The following TNFSF4 variants were observed in gnomAD, a reference collection of about 807,000 sequenced individuals.
The protein encoded by TNFSF4 is tumor necrosis factor ligand superfamily member 4.
A neutral mutation model predicts 7.3 loss-of-function variants in TNFSF4; 4 were observed. That is an observed-to-expected ratio of 0.55 (90% CI 0.27 to 1.25). The LOEUF (loss-of-function observed/expected upper bound fraction) is 1.25, where lower values mean the gene tolerates loss of function less well. Among genes scored for constraint, TNFSF4 ranks in the 50% most tolerant of loss-of-function variants. The pLI is 0.12. For missense variants in TNFSF4, 181 were observed against 208.8 expected (o/e 0.87, Z 0.82); for synonymous variants, 76 against 83.7 (o/e 0.91, Z 0.50).
At chr1:173,364,448 T>C in the TNFSF4 span, among the ~76,000 whole-genome samples, 3 of 150,750 alleles carry the variant, frequency 2.0e-5, no homozygotes, top group Admixed American at 2.0e-4. Flanking sequence ...AATTTGTATA[T>C]GCATAGAAAA....
chr1:173,312,944 C>T, the TNFSF4 span, among the ~76,000 whole-genome samples: 1 of 152,060 alleles, frequency 6.6e-6, no homozygotes, highest in Non-Finnish European at 1.5e-5. Flanking sequence ...TTTTCCAGGA[C>T]ACAAGGCCTG....
chr1:173,205,325 T>C, intron 1 of TNFSF4: 1 of 1,612,176 alleles, frequency 6.2e-7, no homozygotes, highest in Non-Finnish European at 8.5e-7. Flanking sequence ...AGGTTTAGTG[T>C]CCTAGAAACC....
chr1:173,352,812 G>A, the TNFSF4 span, among the ~76,000 whole-genome samples: 14 of 152,230 alleles, frequency 9.2e-5, no homozygotes, highest in South Asian at 2.1e-4. Flanking sequence ...AGGCCAGGGC[G>A]TATTTCATCC....
chr1:173,366,756 C>T, the TNFSF4 span, among the ~76,000 whole-genome samples: 1 of 151,380 alleles, frequency 6.6e-6, no homozygotes, highest in Non-Finnish European at 1.5e-5. Flanking sequence ...AACATATGCA[C>T]TGAATATGTA....
the TNFSF4 span, chr1:173,362,695 G>T: frequency 2.4e-6 from 1 of 411,012 alleles, no homozygotes; most frequent in Non-Finnish European, 4.8e-6. Flanking sequence ...CATTAATGCT[G>T]TCAGAGGAGG....
At chr1:173,274,281 G>C in the TNFSF4 span, among the ~76,000 whole-genome samples, 1 of 152,064 alleles carries the variant, frequency 6.6e-6, no homozygotes, top group Non-Finnish European at 1.5e-5. Context: ...TTTACAATAA[G>C]AATGCCCTTG....
At chr1:173,348,994 C>T in the TNFSF4 span, among the ~76,000 whole-genome samples, 7 of 152,244 alleles carry the variant, frequency 4.6e-5, no homozygotes, top group African/African-American at 1.7e-4. Context: ...CACATCTTCA[C>T]TTTAAGTTTC....
At chr1:173,234,086 C>T in the TNFSF4 span, among the ~76,000 whole-genome samples, 2 of 152,130 alleles carry the variant, frequency 1.3e-5, no homozygotes, top group African/African-American at 4.8e-5. Flanking sequence ...ACAAAGAACT[C>T]AAACAAATTT....
At chr1:173,207,412 A>C, upstream of TNFSF4, 1 of 389,808 alleles carries the variant, frequency 2.6e-6, no homozygotes, top group Non-Finnish European at 4.6e-6. Flanking sequence ...ACTAATCTGA[A>C]TTTCCCCTTT....
intron 2 of TNFSF4, among the ~76,000 whole-genome samples, chr1:173,188,168 C>G (rs1484641498): frequency 2.0e-5 from 3 of 152,110 alleles, no homozygotes; most frequent in Non-Finnish European, 4.4e-5. Context: ...AATTAGCAGG[C>G]AATAATGTGT....
At chr1:173,316,361 G>A in the TNFSF4 span, among the ~76,000 whole-genome samples, 2 of 151,990 alleles carry the variant, frequency 1.3e-5, no homozygotes, top group African/African-American at 4.8e-5. Flanking sequence ...GAATAAACTT[G>A]GTTAGATGGG....
At chr1:173,443,623 C>G in the TNFSF4 span, among the ~76,000 whole-genome samples, 1 of 152,172 alleles carries the variant, frequency 6.6e-6, no homozygotes, top group Non-Finnish European at 1.5e-5. Flanking sequence ...CACACACCCT[C>G]AGGCTCTTGA....
Position 173,186,684 on chromosome 1 carries a change from T to C in TNFSF4, c.384A>G (p.Gln128=), listed in dbSNP as rs370486904. Reference sequence around the variant, plus strand: ...AGTTGACAGACCTGACCTTCTTCAGTTGGAAGAGGGGCTCCTCATCCTTCT... The same window carrying C: ...AGTTGACAGACCTGACCTTCTTCAGCTGGAAGAGGGGCTCCTCATCCTTCT... ...HYQKDEEPLF[Q]LKKVRSVNSL... The change falls in exon 3 of 3, where the codon CAA becomes CAG. Residue 128 remains glutamine, a synonymous_variant. Transcript: ENST00000281834. The C allele has an allele frequency of 1.9e-5, 31 of 1,614,062 alleles. No homozygotes were observed. The highest frequency in any genetic ancestry group is 2.5e-5 in the Non-Finnish European group (30 of 1,180,034).
chr1:173,329,781 G>T, the TNFSF4 span, among the ~76,000 whole-genome samples: 1 of 150,930 alleles, frequency 6.6e-6, no homozygotes, highest in Non-Finnish European at 1.5e-5. Flanking sequence ...ATTTCAAGAA[G>T]AAATATGGTT....
chr1:173,404,627 G>C, the TNFSF4 span, among the ~76,000 whole-genome samples: 1 of 131,354 alleles, frequency 7.6e-6, no homozygotes, highest in African/African-American at 2.9e-5. Flanking sequence ...GGCCATCCCT[G>C]ACTGCCATTT....
At chr1:173,379,874 G>A in the TNFSF4 span, among the ~76,000 whole-genome samples, 3 of 152,216 alleles carry the variant, frequency 2.0e-5, no homozygotes, top group African/African-American at 7.2e-5. Flanking sequence ...CCCCTATGCT[G>A]AGGCAGTCAC....
chr1:173,332,583 C>A, the TNFSF4 span, among the ~76,000 whole-genome samples: 1 of 151,802 alleles, frequency 6.6e-6, no homozygotes, highest in Non-Finnish European at 1.5e-5. Flanking sequence ...GGGCCAGGTG[C>A]GGTGGCTCAT....
At chr1:173,421,015 G>T in the TNFSF4 span, among the ~76,000 whole-genome samples, 1 of 152,078 alleles carries the variant, frequency 6.6e-6, no homozygotes, top group Non-Finnish European at 1.5e-5. Context: ...ATAGTTATGT[G>T]TTGACTACAC....
the TNFSF4 span, among the ~76,000 whole-genome samples, chr1:173,328,001 T>G: frequency 3.3e-5 from 5 of 152,332 alleles, no homozygotes; most frequent in South Asian, 1.0e-3. Flanking sequence ...ATCCCATTAC[T>G]GGGTATATAC....
Sources: gnomAD v4.1 joint callset for allele counts (sites outside exome capture counted in the v4.1 genomes callset) on GRCh38, gnomAD v4.1.1 for gene constraint, MANE v1.5 for transcripts, NCBI Gene and HGNC (gene_info 2026-07-23, HGNC 2026-07-21) for gene names.